KIFAP3: variants seen among roughly 807,000 people sequenced by gnomAD.
KIFAP3 encodes the protein kinesin-associated protein 3.
KIFAP3 carries 68 observed loss-of-function variants against 106.5 expected under a neutral mutation model. That is an observed-to-expected ratio of 0.64 (90% CI 0.53 to 0.78). KIFAP3 has a LOEUF of 0.78. KIFAP3 is among the 30% of genes least tolerant of loss of function. KIFAP3 has a pLI of 0.00. For missense variants in KIFAP3, 780 were observed against 941.8 expected, an observed-to-expected ratio of 0.83 and a Z score of 2.25; for synonymous variants, 320 against 311.5, an observed-to-expected ratio of 1.03 and a Z score of -0.29.
chr1:169,962,114 G>T (rs1044625471), intron 17 of KIFAP3, among the ~76,000 whole-genome samples: 5 of 152,050 alleles, frequency 3.3e-5, no homozygotes, highest in Non-Finnish European at 7.4e-5. Flanking sequence ...CTGCTAAAAT[G>T]GTTTACTAAA....
chr1:169,979,097 T>C (rs1034534703), intron 15 of KIFAP3, among the ~76,000 whole-genome samples: 1 of 152,110 alleles, frequency 6.6e-6, no homozygotes, highest in African/African-American at 2.4e-5. Flanking sequence ...CACCAAAACA[T>C]AGTAAAACAC....
At chr1:169,993,663 G>GGAGGATCGCT (rs1230943851) in intron 10 of KIFAP3, among the ~76,000 whole-genome samples, 1 of 123,370 alleles carries the variant, frequency 8.1e-6, no homozygotes, top group Non-Finnish European at 1.7e-5. Context: ...GAGGCTTGCA[G>GGAGGATCGCT]TGAGCCCAGA....
intron 10 of KIFAP3, among the ~76,000 whole-genome samples, chr1:169,999,515 CT>C (rs1460882546): frequency 1.3e-5 from 2 of 152,112 alleles, no homozygotes; most frequent in East Asian, 1.9e-4. Context: ...GAACTAGGTT[CT>C]TAATGACTGG....
chr1:170,016,698 CTT>C, intron 9 of KIFAP3, 74 bp from the exon 10 acceptor site: 1 of 928,348 alleles, frequency 1.1e-6, no homozygotes, highest in Non-Finnish European at 1.6e-6. Flanking sequence ...ATTATTTTTT[CTT>C]TGTTTTTACC....
intron 1 of KIFAP3, among the ~76,000 whole-genome samples, chr1:170,082,096 C>T (rs1672028479): frequency 6.6e-6 from 1 of 152,182 alleles, no homozygotes; most frequent in South Asian, 2.1e-4. Flanking sequence ...TGTGTCTACC[C>T]AAGAAAAATG....
chr1:169,935,490 T>A (rs1295125221), intron 19 of KIFAP3, among the ~76,000 whole-genome samples: 1 of 151,984 alleles, frequency 6.6e-6, no homozygotes, highest in Non-Finnish European at 1.5e-5. Flanking sequence ...TATAGTTTCT[T>A]CTAAAGCTAA....
chr1:170,041,774 C>T, intron 3 of KIFAP3: 2 of 1,532,176 alleles, frequency 1.3e-6, no homozygotes, highest in Non-Finnish European at 1.7e-6. Context: ...CTTTTGCCTT[C>T]TCCTGATCTG....
At chr1:170,066,303 T>A (rs1467573800) in intron 1 of KIFAP3, among the ~76,000 whole-genome samples, 2 of 152,016 alleles carry the variant, frequency 1.3e-5, no homozygotes, top group African/African-American at 4.8e-5. Flanking sequence ...AAGAGGGAAA[T>A]AATCTCTTAT....
upstream of KIFAP3, among the ~76,000 whole-genome samples, chr1:170,079,519 T>TA (rs11454980): frequency 0.16 from 25,012 of 152,132 alleles, 2,228 homozygotes; most frequent in Middle Eastern, 0.22. Flanking sequence ...TTCATGATTT[T>TA]AAAAAACTAT....
chr1:170,039,341 G>T, intron 3 of KIFAP3, 53 bp from the exon 4 acceptor site: 1 of 1,016,018 alleles, frequency 9.8e-7, no homozygotes, highest in South Asian at 1.4e-5. Context: ...GGGTTTCTAG[G>T]TAATTTTTAT....
chr1:169,921,609 T>A lies in KIFAP3; in HGVS notation c.*67A>T. On this transcript the variant is annotated 3_prime_UTR_variant, in exon 20 of 20. Coordinates refer to ENST00000361580, the MANE Select transcript of KIFAP3 (RefSeq NM_014970.4). ...ATCAACATGCATTATTAGGCAAAGA[T>A]CCAAAATTAACCCAACCCACACAGA... 1 of 1,224,580 alleles carries A rather than the reference T, an allele frequency of 8.2e-7. No individual in the cohort carries two copies. Among genetic ancestry groups the A allele is most frequent in the Non-Finnish European group, 1.2e-6 (1 of 837,690 alleles). The allele number at this position is 1,224,580 out of a possible 1,614,324, so 75.9% of individuals were successfully genotyped here. A position where few individuals can be genotyped will look rare whatever the true frequency, so the allele number is the denominator to read the frequency against.
intron 16 of KIFAP3, among the ~76,000 whole-genome samples, chr1:169,976,816 A>G (rs1487972615): frequency 1.3e-5 from 2 of 152,168 alleles, no homozygotes; most frequent in Non-Finnish European, 2.9e-5. Context: ...TCTCAGGTTC[A>G]TGTGATAATC....
chr1:170,034,432 CAAT>C lies in KIFAP3; in HGVS notation c.679_681del (p.Ile227del), dbSNP rs767380528. 2 of 1,596,166 alleles carry C rather than the reference CAAT, an allele frequency of 1.3e-6. No individual in the cohort carries two copies. The highest frequency in any genetic ancestry group is 2.3e-5 in the South Asian group (2 of 88,648). ...AGCTCATGTCTTTTTAACTCATGAT[CAAT>C]AATATTCATACACAGAGCTCCAATT... is the stretch of plus-strand genomic sequence containing the variant. On this transcript the variant is annotated inframe_deletion, in exon 7 of 20. Transcript: ENST00000361580.
rs920643131 is a variant in KIFAP3 at position 170,063,169 on chromosome 1, T to C, written c.33-7733A>G. On this transcript the variant is annotated intron_variant, in intron 1 of 19. Transcript: ENST00000361580. ...GATGCAGTTAAACGATAACCAGCCA[T>C]TGTTCCCTAGTTTGCCTTTCTATAA... Among the ~76,000 whole-genome samples, 3 of 152,164 alleles carry C rather than the reference T, an allele frequency of 2.0e-5. No individual in the cohort carries two copies. The East Asian group carries it at 5.8e-4, about 29-fold the overall frequency.
chr1:169,989,773 T>G (rs1667009463), intron 11 of KIFAP3, among the ~76,000 whole-genome samples: 1 of 152,106 alleles, frequency 6.6e-6, no homozygotes, highest in African/African-American at 2.4e-5. Context: ...GTTTATCAAT[T>G]TTTTAAATAC....
At chr1:170,016,368 CT>C in intron 10 of KIFAP3, 93 bp downstream of exon 10, 2 of 929,626 alleles carry the variant, frequency 2.2e-6, no homozygotes, top group African/African-American at 1.7e-5. Context: ...AGACAGAATG[CT>C]TTTTGTTCAG....
At chr1:169,984,438 C>A in intron 12 of KIFAP3, 144 bp downstream of exon 12, 1 of 426,990 alleles carries the variant, frequency 2.3e-6, no homozygotes, top group Non-Finnish European at 4.2e-6. Context: ...TCTATCTGAC[C>A]TTTAAGGATT....
At chr1:169,930,358 A>G (rs1663395937) in intron 19 of KIFAP3, among the ~76,000 whole-genome samples, 1 of 152,258 alleles carries the variant, frequency 6.6e-6, no homozygotes, top group Non-Finnish European at 1.5e-5. Context: ...CATATTGAAC[A>G]TTGATAAAAT....
chr1:170,073,395 C>T (rs76993477), intron 1 of KIFAP3, among the ~76,000 whole-genome samples: 10,885 of 152,278 alleles, frequency 0.071, 439 homozygotes, highest in Non-Finnish European at 0.095. Context: ...TGAATCCCTT[C>T]TATGAGTCTA....
Sources: gnomAD v4.1 joint callset for allele counts (sites outside exome capture counted in the v4.1 genomes callset) on GRCh38, gnomAD v4.1.1 for gene constraint, MANE v1.5 for transcripts, NCBI Gene and HGNC (gene_info 2026-07-23, HGNC 2026-07-21) for gene names.